GPHN: variants seen among roughly 807,000 people sequenced by gnomAD.
GPHN encodes gephyrin.
Under a neutral mutation model 95.5 loss-of-function variants are expected in GPHN, and 17 were observed. The observed-to-expected ratio is 0.18, with a 90% CI of 0.12 to 0.27. The LOEUF (loss-of-function observed/expected upper bound fraction) is 0.27. Among genes scored for constraint, GPHN ranks in the 10% least tolerant of loss-of-function variants. GPHN has a pLI of 1.00. For missense variants in GPHN, 660 were observed against 978.1 expected, an observed-to-expected ratio of 0.67 and a Z score of 4.34; for synonymous variants, 320 against 322.5, an observed-to-expected ratio of 0.99 and a Z score of 0.08.
chr14:66,722,493 G>A (rs1378161905), intron 2 of GPHN, among the ~76,000 whole-genome samples: 1 of 152,046 alleles, frequency 6.6e-6, no homozygotes, highest in African/African-American at 2.4e-5. Context: ...GTCCAGGCTG[G>A]AGTGCAGTGT....
intron 1 of GPHN, among the ~76,000 whole-genome samples, chr14:66,606,857 G>C (rs922587083): frequency 2.2e-4 from 34 of 152,038 alleles, no homozygotes; most frequent in African/African-American, 8.2e-4. Context: ...CATCTTTAAT[G>C]TTTTCTAGGT....
chr14:66,731,083 C>T (rs1246755848), intron 2 of GPHN, among the ~76,000 whole-genome samples: 2 of 152,328 alleles, frequency 1.3e-5, no homozygotes, highest in African/African-American at 4.8e-5. Context: ...CCAGCTTCCC[C>T]TTCTGCCATG....
chr14:67,144,247 AAAAATATATATAT>A (rs1176789010), intron 18 of GPHN, among the ~76,000 whole-genome samples: 10 of 68,500 alleles, frequency 1.5e-4, no homozygotes, highest in South Asian at 1.1e-3. Flanking sequence ...AAAAAAAAAA[AAAAATATATATAT>A]ATATATATAT....
chr14:67,583,189 T>G, the GPHN span, among the ~76,000 whole-genome samples: 1 of 152,232 alleles, frequency 6.6e-6, no homozygotes, highest in Non-Finnish European at 1.5e-5. Flanking sequence ...ATAGTTGATC[T>G]TTATAAATAT....
intron 1 of GPHN, among the ~76,000 whole-genome samples, chr14:66,617,616 A>G (rs1467599525): frequency 6.6e-6 from 1 of 152,130 alleles, no homozygotes; most frequent in Admixed American, 6.5e-5. Context: ...ATTCTTTTCA[A>G]TGGGAGCCTC....
At chr14:67,029,256 G>A (rs1428989898) in intron 10 of GPHN, among the ~76,000 whole-genome samples, 1 of 151,326 alleles carries the variant, frequency 6.6e-6, no homozygotes, top group Non-Finnish European at 1.5e-5. Flanking sequence ...AGCTGCTATT[G>A]TTACAATTAC....
At chr14:67,011,762 A>C (rs1386769609) in intron 9 of GPHN, among the ~76,000 whole-genome samples, 1 of 151,950 alleles carries the variant, frequency 6.6e-6, no homozygotes, top group Non-Finnish European at 1.5e-5. Flanking sequence ...AATGATTTTC[A>C]GTGTGTGCTA....
chr14:67,124,881 C>T (rs1276363800), intron 17 of GPHN, among the ~76,000 whole-genome samples: 4 of 151,856 alleles, frequency 2.6e-5, no homozygotes, highest in African/African-American at 9.7e-5. Flanking sequence ...ACTCTAAAGG[C>T]CAAAACATCA....
the GPHN span, among the ~76,000 whole-genome samples, chr14:67,591,105 A>C: frequency 6.6e-6 from 1 of 152,194 alleles, no homozygotes; most frequent in African/African-American, 2.4e-5. Context: ...AAATAGATAC[A>C]AATACATAAT....
chr14:67,673,337 C>T, the GPHN span, among the ~76,000 whole-genome samples: 1 of 151,784 alleles, frequency 6.6e-6, no homozygotes, highest in African/African-American at 2.4e-5. Context: ...GAGTGAGACC[C>T]TGTCTCAAAA....
At chr14:66,557,451 G>A (rs1274119162) in intron 1 of GPHN, among the ~76,000 whole-genome samples, 1 of 152,098 alleles carries the variant, frequency 6.6e-6, no homozygotes, top group Admixed American at 6.5e-5. Context: ...CTTACAAGTA[G>A]AATGCTTATT....
chr14:66,853,379 G>A (rs1423644864), intron 4 of GPHN, among the ~76,000 whole-genome samples: 1 of 152,114 alleles, frequency 6.6e-6, no homozygotes, highest in Non-Finnish European at 1.5e-5. Context: ...CAGATTCAAA[G>A]ATGAGAATAG....
chr14:67,721,792 A>T, the GPHN span, among the ~76,000 whole-genome samples: 2 of 150,706 alleles, frequency 1.3e-5, no homozygotes, highest in Non-Finnish European at 3.0e-5. Context: ...ATAAAACCAT[A>T]TATTATATAT....
At chr14:66,625,204 A>T (rs538477801) in intron 1 of GPHN, among the ~76,000 whole-genome samples, 1 of 152,108 alleles carries the variant, frequency 6.6e-6, no homozygotes, top group South Asian at 2.1e-4. Flanking sequence ...TTAGCCTCCC[A>T]TGTAACTGGA....
the GPHN span, chr14:67,586,600 G>C: frequency 2.2e-6 from 1 of 449,858 alleles, no homozygotes; most frequent in Non-Finnish European, 4.0e-6. Flanking sequence ...ACTCAATACA[G>C]GAAGTGTTGA....
At chr14:66,611,893 T>A (rs2062798616) in intron 1 of GPHN, among the ~76,000 whole-genome samples, 1 of 152,138 alleles carries the variant, frequency 6.6e-6, no homozygotes, top group Non-Finnish European at 1.5e-5. Flanking sequence ...AAAGTTTAGC[T>A]CTTATCCTGT....
chr14:67,608,236 G>A, the GPHN span, among the ~76,000 whole-genome samples: 14 of 150,124 alleles, frequency 9.3e-5, no homozygotes, highest in Middle Eastern at 3.4e-3. Context: ...ACCCTGTCTC[G>A]AAAAAAAAAG....
At chr14:67,266,249 G>A in the GPHN span, among the ~76,000 whole-genome samples, 1,610 of 152,182 alleles carry the variant, frequency 0.011, 27 homozygotes, top group African/African-American at 0.036. Flanking sequence ...GTTAGATCAT[G>A]GGGACTTTAT....
At chr14:67,526,248 T>C in the GPHN span, among the ~76,000 whole-genome samples, 1 of 152,254 alleles carries the variant, frequency 6.6e-6, no homozygotes, top group Non-Finnish European at 1.5e-5. Context: ...GTCGGTCTAG[T>C]GCCAGCTCTG....
Sources: allele counts gnomAD v4.1 joint callset (sites outside exome capture counted in the v4.1 genomes callset), GRCh38; gene constraint gnomAD v4.1.1; transcripts MANE v1.5; gene names NCBI Gene and HGNC (gene_info 2026-07-23, HGNC 2026-07-21).